Variants in CDYL observed in about 807,000 individuals in gnomAD.
The protein encoded by CDYL is chromodomain Y like, also known as chromodomain Y-like protein.
CDYL carries 8 observed loss-of-function variants against 47.3 expected under a neutral mutation model. The observed-to-expected ratio is 0.17, with a 90% confidence interval of 0.10 to 0.31. The LOEUF (loss-of-function observed/expected upper bound fraction) is 0.31. CDYL is among the 10% of genes least tolerant of loss of function. The probability of loss-of-function intolerance (pLI) is 1.00; values close to 1 mark genes in which losing one functional copy is unlikely to be tolerated. For missense variants in CDYL, 471 were observed against 701.4 expected (o/e 0.67, Z 3.71); for synonymous variants, 266 against 265.0 (o/e 1.00, Z -0.04).
intron 1 of CDYL, among the ~76,000 whole-genome samples, chr6:4,841,125 C>T (rs1414553418): frequency 6.6e-6 from 1 of 152,032 alleles, no homozygotes; most frequent in Non-Finnish European, 1.5e-5. Flanking sequence ...CTGTTTCTTC[C>T]TGGTTTAGTC....
chr6:4,795,977 CAG>C (rs1047838746), intron 1 of CDYL, among the ~76,000 whole-genome samples: 3 of 152,060 alleles, frequency 2.0e-5, no homozygotes, highest in Admixed American at 2.0e-4. Flanking sequence ...TTTCCTGAGA[CAG>C]AGTCTTGCTC....
rs1302801830 is a variant in CDYL at position 4,909,371 on chromosome 6, C to T, written c.691+16992C>T. 2.6e-5 allele frequency among the ~76,000 whole-genome samples: 4 copies of T among 152,340 alleles called. No homozygotes were observed. In the East Asian group the frequency reaches 7.7e-4, roughly 29 times the overall value. On this transcript the variant is annotated intron_variant, in intron 2 of 6. Transcript: ENST00000397588. ...CTCCAGCCGAAAGCCATGCCCTCCCCTTTCCTGCATCCTTATTATCAGCTC... is the reference window on the plus strand; with the variant it reads ...CTCCAGCCGAAAGCCATGCCCTCCCTTTTCCTGCATCCTTATTATCAGCTC...
rs76237781 is a variant in CDYL at position 4,948,418 on chromosome 6, C to G, written c.1333-3848C>G. 4.3e-4 allele frequency among the ~76,000 whole-genome samples: 66 copies of G among 152,320 alleles called. No homozygotes were observed. The East Asian group carries it at 0.011, about 25-fold the overall frequency. On this transcript the variant is annotated intron_variant, in intron 5 of 6. Coordinates refer to ENST00000397588, the MANE Select transcript of CDYL (RefSeq NM_004824.4). ...TCATCACAGGACGAATGCCTGCCCT[C>G]TGGTCAGCCGTGTTTCTCCCTACTC...
Position 4,900,507 on chromosome 6 carries a change from GAGTT to G in CDYL, c.691+8132_691+8135del, listed in dbSNP as rs200553176. 9.2e-5 allele frequency among the ~76,000 whole-genome samples: 14 copies of G among 151,734 alleles called. 1 individual carries two copies. The East Asian group carries it at 1.8e-3, about 19-fold the overall frequency. On this transcript the variant is annotated intron_variant, in intron 2 of 6. Transcript: ENST00000397588. Reference sequence around the variant, plus strand: ...CGAGGATACATTTTACACTATTTGAGAGTTAGTCGGCAACTTGCTATTGTAAACG... The same window carrying G: ...CGAGGATACATTTTACACTATTTGAGAGTCGGCAACTTGCTATTGTAAACG...
chr6:4,730,590 C>T (rs1055793574), intron 2 of CDYL, among the ~76,000 whole-genome samples: 1 of 144,388 alleles, frequency 6.9e-6, no homozygotes, highest in Non-Finnish European at 1.5e-5. Flanking sequence ...AGAAGAATCG[C>T]TTGAACCCAG....
At chr6:4,829,731 G>T (rs1760081884) in intron 1 of CDYL, among the ~76,000 whole-genome samples, 1 of 152,052 alleles carries the variant, frequency 6.6e-6, no homozygotes, top group African/African-American at 2.4e-5. Flanking sequence ...CTGGCTTAAG[G>T]GCCCAAGTTC....
intron 1 of CDYL, among the ~76,000 whole-genome samples, chr6:4,884,270 A>C (rs945344498): frequency 6.6e-6 from 1 of 152,164 alleles, no homozygotes; most frequent in Non-Finnish European, 1.5e-5. Flanking sequence ...GTGGACCCTG[A>C]TGTTTTATGG....
Position 4,756,602 on chromosome 6 carries a change from G to GTGTGTGTGTGTT in CDYL, c.186+21769_186+21770insTTGTGTGTGTGT, listed in dbSNP as rs1561838033. Among the ~76,000 whole-genome samples, 1,315 of 152,008 alleles carry GTGTGTGTGTGTT rather than the reference G, an allele frequency of 8.7e-3. 14 individuals are homozygous for GTGTGTGTGTGTT. Among genetic ancestry groups the GTGTGTGTGTGTT allele is most frequent in the African/African-American group, 0.03 (1,242 of 41,436 alleles). ...TGTATGTGTGTGTGTGTGTGTGTGT[G>GTGTGTGTGTGTT]TGTGTGTGTGTGTATCTTGCCTCCT... On this transcript the variant is annotated intron_variant, in intron 3 of 8. Transcript: ENST00000328908.
At chr6:4,949,486 A>T (rs753117981) in intron 5 of CDYL, among the ~76,000 whole-genome samples, 1 of 152,158 alleles carries the variant, frequency 6.6e-6, no homozygotes, top group Non-Finnish European at 1.5e-5. Flanking sequence ...CTAAAAAGAC[A>T]TCTCTATTTA....
intron 2 of CDYL, among the ~76,000 whole-genome samples, chr6:4,716,356 G>A (rs954667914): frequency 1.3e-5 from 2 of 151,818 alleles, no homozygotes; most frequent in South Asian, 2.1e-4. Context: ...CTTCTCTCTC[G>A]CAAGCTCTCC....
chr6:4,847,884 A>T (rs1369980368), intron 1 of CDYL, among the ~76,000 whole-genome samples: 1 of 152,180 alleles, frequency 6.6e-6, no homozygotes, highest in Non-Finnish European at 1.5e-5. Context: ...AGTCAGGAAC[A>T]ATTGTCAGGA....
intron 1 of CDYL, among the ~76,000 whole-genome samples, chr6:4,851,407 T>G (rs1760822637): frequency 6.6e-6 from 1 of 152,168 alleles, no homozygotes. Context: ...TTGGAGAGCT[T>G]CTGGGCTGGC....
chr6:4,872,266 T>C (rs1024983078), intron 1 of CDYL, among the ~76,000 whole-genome samples: 8 of 151,888 alleles, frequency 5.3e-5, no homozygotes, highest in Admixed American at 4.6e-4. Context: ...GAGCTTACTA[T>C]GTGCCTGGTG....
intron 1 of CDYL, among the ~76,000 whole-genome samples, chr6:4,832,366 G>A (rs1760172006): frequency 6.6e-6 from 1 of 151,466 alleles, no homozygotes; most frequent in Non-Finnish European, 1.5e-5. Context: ...CTGTTTATAT[G>A]CTGGATTACA....
chr6:4,835,090 C>T (rs1273403556), intron 1 of CDYL, among the ~76,000 whole-genome samples: 1 of 152,162 alleles, frequency 6.6e-6, no homozygotes, highest in Admixed American at 6.5e-5. Flanking sequence ...CATTCTCCGT[C>T]CAGCTTTGTT....
At chr6:4,928,878 G>A (rs529956853) in intron 2 of CDYL, 3 of 151,976 alleles carry the variant, frequency 2.0e-5, no homozygotes, top group East Asian at 1.9e-4. Context: ...TGTACAAAGC[G>A]GTTTTTATTC....
chr6:4,767,205 A>T (rs1347695066), intron 3 of CDYL, among the ~76,000 whole-genome samples: 3 of 152,208 alleles, frequency 2.0e-5, no homozygotes, highest in Non-Finnish European at 4.4e-5. Flanking sequence ...AAAATGAAGG[A>T]ATAAAATCAT....
intron 1 of CDYL, among the ~76,000 whole-genome samples, chr6:4,872,671 T>C (rs1761508627): frequency 6.6e-6 from 1 of 152,194 alleles, no homozygotes; most frequent in Admixed American, 6.5e-5. Flanking sequence ...TGAGCCACCA[T>C]GCCCAGCCAC....
At chr6:4,873,959 C>T (rs1000311447) in intron 1 of CDYL, among the ~76,000 whole-genome samples, 1 of 152,100 alleles carries the variant, frequency 6.6e-6, no homozygotes, top group African/African-American at 2.4e-5. Flanking sequence ...CTTTTGAGCC[C>T]CCATTCAGTT....
Sources: gnomAD v4.1 joint callset for allele counts (sites outside exome capture counted in the v4.1 genomes callset) on GRCh38, gnomAD v4.1.1 for gene constraint, MANE v1.5 for transcripts, NCBI Gene and HGNC (gene_info 2026-07-23, HGNC 2026-07-21) for gene names.